STX8: variants seen among roughly 807,000 people sequenced by gnomAD.
STX8 encodes syntaxin-8.
A neutral mutation model predicts 37.5 loss-of-function variants in STX8; 23 were observed. That is an observed-to-expected ratio of 0.61 (90% CI 0.44 to 0.87). STX8 has a LOEUF of 0.87. STX8 is among the 40% of genes least tolerant of loss of function. The pLI is 0.00. For synonymous variants in STX8, 115 were observed against 99.1 expected (o/e 1.16, Z -0.95); for missense variants, 313 against 284.7 (o/e 1.10, Z -0.71).
Position 9,411,854 on chromosome 17 carries a change from G to GAAGAACCTAATATATATATA in STX8, c.542-33202_542-33201insTATATATATATTAGGTTCTT, listed in dbSNP as rs1467048622. Among the ~76,000 whole-genome samples, 25 of 151,926 alleles carry GAAGAACCTAATATATATATA rather than the reference G, an allele frequency of 1.6e-4. 1 individual carries two copies. The highest frequency in any genetic ancestry group is 6.6e-5 in the Admixed American group (1 of 15,248). On this transcript the variant is annotated intron_variant, in intron 6 of 7. Transcript: ENST00000306357. ...TAGAAGCAACCTAATATATAGAACA[G>GAAGAACCTAATATATATATA]TAGTATATATAATTTTTCAGATACA...
At chr17:9,520,211 T>G (rs934395638) in intron 4 of STX8, among the ~76,000 whole-genome samples, 3 of 152,204 alleles carry the variant, frequency 2.0e-5, no homozygotes, top group African/African-American at 7.2e-5. Context: ...GCATTTAACA[T>G]TTTTATCTTG....
At chr17:9,417,449 G>A (rs148284665) in intron 6 of STX8, among the ~76,000 whole-genome samples, 3 of 152,176 alleles carry the variant, frequency 2.0e-5, no homozygotes, top group Non-Finnish European at 2.9e-5. Flanking sequence ...TAGTTAGTTG[G>A]GGTATAATAA....
At chr17:9,570,552 G>A (rs1907651304) in intron 1 of STX8, among the ~76,000 whole-genome samples, 1 of 151,766 alleles carries the variant, frequency 6.6e-6, no homozygotes, top group South Asian at 2.1e-4. Flanking sequence ...ATATATTCAT[G>A]TATTTGTGTG....
At chr17:9,419,016 T>C (rs921287097) in intron 6 of STX8, among the ~76,000 whole-genome samples, 7 of 149,294 alleles carry the variant, frequency 4.7e-5, no homozygotes, top group Non-Finnish European at 8.9e-5. Flanking sequence ...CTCAACCTCC[T>C]GGGCTCAAGC....
At chr17:9,511,875 A>C (rs1444201895) in intron 4 of STX8, among the ~76,000 whole-genome samples, 1 of 152,226 alleles carries the variant, frequency 6.6e-6, no homozygotes, top group Non-Finnish European at 1.5e-5. Flanking sequence ...CAGAACTGAT[A>C]AACAAATTTA....
intron 6 of STX8, among the ~76,000 whole-genome samples, chr17:9,478,492 C>T (rs962204805): frequency 6.6e-6 from 1 of 152,104 alleles, no homozygotes; most frequent in African/African-American, 2.4e-5. Context: ...AAAGGAGAAA[C>T]GGTATACATT....
At chr17:9,452,913 C>G (rs538594862) in intron 6 of STX8, among the ~76,000 whole-genome samples, 53 of 151,982 alleles carry the variant, frequency 3.5e-4, no homozygotes, top group African/African-American at 1.2e-3. Flanking sequence ...TCAAGCTATT[C>G]TCTTGCCTCA....
intron 4 of STX8, among the ~76,000 whole-genome samples, chr17:9,525,327 A>G (rs987066041): frequency 6.6e-6 from 1 of 151,100 alleles, no homozygotes; most frequent in African/African-American, 2.4e-5. Flanking sequence ...CACTGCCCAC[A>G]TTGATTTCTC....
chr17:9,458,350 C>T (rs1003532207), intron 6 of STX8, among the ~76,000 whole-genome samples: 2 of 152,064 alleles, frequency 1.3e-5, no homozygotes, highest in African/African-American at 2.4e-5. Flanking sequence ...GGGGTTTCAC[C>T]GTGTCAGCCA....
chr17:9,256,210 T>G (rs905012448), intron 7 of STX8, among the ~76,000 whole-genome samples: 4 of 152,160 alleles, frequency 2.6e-5, no homozygotes, highest in Non-Finnish European at 4.4e-5. Flanking sequence ...AGAACTAGAA[T>G]TGGAATCCAG....
intron 6 of STX8, among the ~76,000 whole-genome samples, chr17:9,445,385 A>G (rs1597676703): frequency 6.6e-6 from 1 of 151,484 alleles, no homozygotes; most frequent in East Asian, 1.9e-4. Flanking sequence ...AACAAATGAA[A>G]AGGTACAGCT....
intron 7 of STX8, among the ~76,000 whole-genome samples, chr17:9,344,609 A>G (rs915660347): frequency 6.6e-6 from 1 of 152,088 alleles, no homozygotes; most frequent in African/African-American, 2.4e-5. Context: ...TTCAGTGCCC[A>G]GGCACACTGA....
chr17:9,432,599 T>C (rs936287345), intron 6 of STX8, among the ~76,000 whole-genome samples: 3 of 152,172 alleles, frequency 2.0e-5, no homozygotes, highest in African/African-American at 7.2e-5. Flanking sequence ...TCACCACAAA[T>C]GTGTTTTGGG....
intron 4 of STX8, among the ~76,000 whole-genome samples, chr17:9,511,840 T>A (rs1905026822): frequency 6.6e-6 from 1 of 151,944 alleles, no homozygotes; most frequent in South Asian, 2.1e-4. Context: ...GAGAAAAGCC[T>A]AAAGACTACC....
intron 7 of STX8, among the ~76,000 whole-genome samples, chr17:9,372,723 G>A (rs1254413137): frequency 6.0e-5 from 9 of 148,990 alleles, no homozygotes; most frequent in East Asian, 2.0e-4. Flanking sequence ...TGATCCACCC[G>A]CCTCGGCCTC....
intron 6 of STX8, among the ~76,000 whole-genome samples, chr17:9,424,386 C>T (rs1391922879): frequency 6.6e-6 from 1 of 151,978 alleles, no homozygotes; most frequent in Admixed American, 6.6e-5. Flanking sequence ...TCCCTCAGGC[C>T]CCAAAAGTTG....
intron 7 of STX8, among the ~76,000 whole-genome samples, chr17:9,374,347 G>T (rs1261219702): frequency 6.6e-6 from 1 of 152,130 alleles, no homozygotes; most frequent in Non-Finnish European, 1.5e-5. Context: ...CTTCCAAAGT[G>T]CTGGGATTAC....
chr17:9,426,350 A>T (rs1251674756), intron 6 of STX8, among the ~76,000 whole-genome samples: 1 of 152,106 alleles, frequency 6.6e-6, no homozygotes, highest in African/African-American at 2.4e-5. Flanking sequence ...AACATGGCGA[A>T]ACCCTGTCTC....
At chr17:9,299,107 G>A (rs1172690058) in intron 7 of STX8, among the ~76,000 whole-genome samples, 1 of 152,104 alleles carries the variant, frequency 6.6e-6, no homozygotes, top group East Asian at 1.9e-4. Context: ...TGCAGTCTGA[G>A]GCCATCTTGG....
Sources: allele counts gnomAD v4.1 joint callset (sites outside exome capture counted in the v4.1 genomes callset), GRCh38; gene constraint gnomAD v4.1.1; transcripts MANE v1.5; gene names NCBI Gene and HGNC (gene_info 2026-07-23, HGNC 2026-07-21).